The following TMOD1 variants were observed in gnomAD, a reference collection of about 807,000 sequenced individuals.
The protein encoded by TMOD1 is tropomodulin-1.
Under a neutral mutation model 40.6 loss-of-function variants are expected in TMOD1, and 17 were observed. The ratio of observed to expected loss-of-function variants is 0.42; its 90% CI spans 0.29 to 0.63. The LOEUF (loss-of-function observed/expected upper bound fraction) is 0.63. Ranked by LOEUF, TMOD1 falls within the 20% of genes least tolerant of loss-of-function variation. The pLI is 0.22. For synonymous variants in TMOD1, 181 were observed against 175.0 expected (o/e 1.03, Z -0.27); for missense variants, 391 against 447.6 (o/e 0.87, Z 1.14).
At position 97,600,305 on chromosome 9, in the gene TMOD1, A is replaced by G; in HGVS notation, c.*607A>G. Reference sequence around the variant, plus strand: ...CAACATGAGATTCCTTTTGCTGGATATGCAGAAATGATAGGAAAAAAACCA... The same window carrying G: ...CAACATGAGATTCCTTTTGCTGGATGTGCAGAAATGATAGGAAAAAAACCA... On this transcript the variant is annotated 3_prime_UTR_variant, in exon 10 of 10. Coordinates refer to ENST00000259365, the MANE Select transcript of TMOD1 (RefSeq NM_003275.4). 1.0e-6 allele frequency: 1 copy of G among 986,200 alleles called. No homozygotes were observed. Among genetic ancestry groups the G allele is most frequent in the Non-Finnish European group, 1.2e-6 (1 of 830,206 alleles). The allele number at this position is 986,200 out of a possible 1,614,324, so 61.1% of individuals were successfully genotyped here.
At chr9:97,547,429 G>T (rs1056020568) in intron 3 of TMOD1, among the ~76,000 whole-genome samples, 1 of 152,130 alleles carries the variant, frequency 6.6e-6, no homozygotes, top group Non-Finnish European at 1.5e-5. Context: ...TGCAATCCTG[G>T]CACTACCACT....
At position 97,524,262 on chromosome 9, in the gene TMOD1, A is replaced by G. The variant is rs775497776; in HGVS notation, c.74A>G (p.Glu25Gly). 6.2e-7 allele frequency: 1 copy of G among 1,614,172 alleles called. No individual in the cohort carries two copies. The highest frequency in any genetic ancestry group is 1.1e-5 in the South Asian group (1 of 91,080). ...GAAATCCTTGGAGCCCTAACAGAGG[A>G]AGAGCTGAGGACCCTGGAAAATGAG... ...EDEILGALTE[E>G]ELRTLENELD... The change falls in exon 2 of 10, where the codon GAA becomes GGA. Residue 25 changes from glutamate (E) to glycine (G), a missense_variant. Glu to Gly is a moderately conservative substitution (Grantham distance 98, BLOSUM62 -2). Transcript: ENST00000259365.
At chr9:97,566,102 T>C in intron 7 of TMOD1, 147 bp downstream of exon 7, 1 of 622,250 alleles carries the variant, frequency 1.6e-6, no homozygotes, top group South Asian at 2.4e-5. Flanking sequence ...CCATGAGGGG[T>C]GTAGAGGGAA....
At position 97,565,901 on chromosome 9, in the gene TMOD1, A is replaced by T. The variant is rs1315825021; in HGVS notation, c.672A>T (p.Ser224=). The part of the protein sequence containing the change: ...KAYAEALKEN[S]YVKKFSIVGT... ...ATGCAGAAGCCCTGAAAGAAAACTC[A>T]TATGTGAAGAAGTTCAGCATCGTGG... Residue 224 remains serine, a synonymous_variant, in exon 7 of 10, where the codon TCA becomes TCT. Transcript: ENST00000259365. 1 of 1,614,188 alleles carries T rather than the reference A, an allele frequency of 6.2e-7. No homozygotes were observed.
chr9:97,588,484 A>G (rs374778053), intron 8 of TMOD1, among the ~76,000 whole-genome samples: 10 of 152,316 alleles, frequency 6.6e-5, no homozygotes, highest in African/African-American at 2.4e-4. Flanking sequence ...TTTAAATCCT[A>G]TATCTACCAA....
intron 1 of TMOD1, among the ~76,000 whole-genome samples, chr9:97,508,514 T>A (rs892015435): frequency 6.6e-6 from 1 of 152,220 alleles, no homozygotes; most frequent in African/African-American, 2.4e-5. Flanking sequence ...CTGTGCCTGG[T>A]GTCCCCATCT....
chr9:97,587,204 C>T (rs1825898076), intron 8 of TMOD1, among the ~76,000 whole-genome samples: 1 of 152,212 alleles, frequency 6.6e-6, no homozygotes, highest in African/African-American at 2.4e-5. Context: ...ACATATAAAG[C>T]TGCTATAAAC....
chr9:97,566,563 C>T (rs1313788404), intron 7 of TMOD1, among the ~76,000 whole-genome samples: 4 of 151,914 alleles, frequency 2.6e-5, no homozygotes, highest in Admixed American at 2.6e-4. Context: ...CCCAGCTACT[C>T]GGGAGGCTGA....
At chr9:97,556,029 A>G (rs1830531625) in intron 4 of TMOD1, among the ~76,000 whole-genome samples, 1 of 151,986 alleles carries the variant, frequency 6.6e-6, no homozygotes, top group Non-Finnish European at 1.5e-5. Context: ...TCTGGATGCC[A>G]CACCAAGGAG....
intron 7 of TMOD1, among the ~76,000 whole-genome samples, chr9:97,566,430 G>A (rs1830728734): frequency 6.6e-6 from 1 of 152,128 alleles, no homozygotes; most frequent in African/African-American, 2.4e-5. Context: ...CAGCACTTTG[G>A]GAGGTCAAGA....
intron 8 of TMOD1, among the ~76,000 whole-genome samples, chr9:97,586,821 C>T (rs998829381): frequency 7.2e-5 from 11 of 152,232 alleles, no homozygotes; most frequent in Non-Finnish European, 2.9e-5. Flanking sequence ...CTCCCTGACC[C>T]CTTGCGCTTC....
At chr9:97,527,668 G>A (rs1403230770) in intron 2 of TMOD1, among the ~76,000 whole-genome samples, 2 of 152,222 alleles carry the variant, frequency 1.3e-5, no homozygotes, top group African/African-American at 2.4e-5. Flanking sequence ...CGGCAAGGCC[G>A]ACTGACGGGT....
chr9:97,568,861 C>T (rs749348948), intron 7 of TMOD1, 33 bp from the exon 8 acceptor site: 14 of 1,610,952 alleles, frequency 8.7e-6, no homozygotes, highest in Non-Finnish European at 9.3e-6. Context: ...CGGGGTGACT[C>T]ATGGGTATCC....
intron 2 of TMOD1, among the ~76,000 whole-genome samples, chr9:97,536,662 G>A (rs923616200): frequency 1.3e-5 from 2 of 152,118 alleles, no homozygotes; most frequent in African/African-American, 4.8e-5. Context: ...TCTGTGGGAT[G>A]GAAGTCAAGA....
chr9:97,503,050 G>A (rs1406954950), intron 1 of TMOD1, among the ~76,000 whole-genome samples: 1 of 152,112 alleles, frequency 6.6e-6, no homozygotes, highest in Admixed American at 6.5e-5. Context: ...TGTCTGAATC[G>A]CAGAACCAGA....
chr9:97,515,470 G>A (rs1211513748), intron 1 of TMOD1, among the ~76,000 whole-genome samples: 1 of 151,910 alleles, frequency 6.6e-6, no homozygotes, highest in Non-Finnish European at 1.5e-5. Flanking sequence ...TGTAGAGACA[G>A]GGTTTTGCCA....
chr9:97,570,681 C>T (rs1264311649), intron 8 of TMOD1, among the ~76,000 whole-genome samples: 4 of 152,202 alleles, frequency 2.6e-5, no homozygotes, highest in Non-Finnish European at 1.5e-5. Context: ...GGTGCTATGT[C>T]TGAGGCATCT....
intron 1 of TMOD1, among the ~76,000 whole-genome samples, chr9:97,504,677 G>A (rs1242236561): frequency 1.3e-5 from 2 of 152,202 alleles, no homozygotes; most frequent in African/African-American, 4.8e-5. Flanking sequence ...TATCTGCGAT[G>A]GAGGATGGTG....
At chr9:97,561,294 G>A (rs1027017818) in intron 4 of TMOD1, among the ~76,000 whole-genome samples, 7 of 152,206 alleles carry the variant, frequency 4.6e-5, no homozygotes, top group African/African-American at 1.7e-4. Flanking sequence ...AGACCCTGTA[G>A]AATCTGACCT....
Sources: gnomAD v4.1 joint callset for allele counts (sites outside exome capture counted in the v4.1 genomes callset) on GRCh38, gnomAD v4.1.1 for gene constraint, MANE v1.5 for transcripts, NCBI Gene and HGNC (gene_info 2026-07-23, HGNC 2026-07-21) for gene names.